The following FRMD4A variants were observed in gnomAD, a reference collection of about 807,000 sequenced individuals.
FRMD4A encodes FERM domain-containing protein 4A.
FRMD4A carries 29 observed loss-of-function variants against 129.1 expected under a neutral mutation model. The ratio of observed to expected loss-of-function variants is 0.22; its 90% CI spans 0.17 to 0.31. FRMD4A has a LOEUF of 0.31. FRMD4A is among the 10% of genes least tolerant of loss of function. The pLI is 1.00. For missense variants in FRMD4A, 1,272 were observed against 1,375.8 expected, an observed-to-expected ratio of 0.92 and a Z score of 1.19; for synonymous variants, 634 against 571.6, an observed-to-expected ratio of 1.11 and a Z score of -1.56.
chr10:14,243,054 CTCCATCCATTCATCCA>C (rs1844106038), intron 2 of FRMD4A, among the ~76,000 whole-genome samples: 1 of 54,448 alleles, frequency 1.8e-5, no homozygotes, highest in African/African-American at 4.6e-5. Context: ...CTGTCCATCC[CTCCATCCATTCATCCA>C]TCCATCCATA....
At chr10:14,147,803 G>T (rs1309551058) in intron 2 of FRMD4A, among the ~76,000 whole-genome samples, 1 of 152,124 alleles carries the variant, frequency 6.6e-6, no homozygotes, top group African/African-American at 2.4e-5. Flanking sequence ...CCACAGCCCA[G>T]GGGTTAGGGA....
At chr10:13,755,141 T>C (rs1443220963) in intron 8 of FRMD4A, among the ~76,000 whole-genome samples, 11 of 152,204 alleles carry the variant, frequency 7.2e-5, no homozygotes, top group Admixed American at 7.2e-4. Flanking sequence ...GCAATCGATA[T>C]AAACGTTTAT....
chr10:14,274,066 G>A (rs932622713), intron 2 of FRMD4A, among the ~76,000 whole-genome samples: 6 of 152,156 alleles, frequency 3.9e-5, no homozygotes, highest in African/African-American at 1.2e-4. Flanking sequence ...AATAAAAAGC[G>A]TGTTCGTGCA....
intron 2 of FRMD4A, among the ~76,000 whole-genome samples, chr10:14,328,692 C>G (rs1231225407): frequency 5.3e-5 from 8 of 151,326 alleles, no homozygotes; most frequent in African/African-American, 1.9e-4. Context: ...GAGCATATAA[C>G]CCAGGCTCCC....
intron 11 of FRMD4A, among the ~76,000 whole-genome samples, chr10:13,739,828 G>C (rs550383372): frequency 7.9e-5 from 12 of 152,210 alleles, no homozygotes; most frequent in Non-Finnish European, 1.6e-4. Context: ...GGCCAGGCGC[G>C]GTGGCTCACG....
At chr10:14,143,880 A>G (rs560879339) in intron 2 of FRMD4A, among the ~76,000 whole-genome samples, 6 of 152,276 alleles carry the variant, frequency 3.9e-5, no homozygotes, top group African/African-American at 1.4e-4. Context: ...AAGTGCTGAG[A>G]TTACAGGTAT....
chr10:13,853,138 C>A (rs761536744), intron 3 of FRMD4A, among the ~76,000 whole-genome samples: 4 of 152,254 alleles, frequency 2.6e-5, no homozygotes, highest in East Asian at 1.9e-4. Context: ...GGAAAGGAGA[C>A]TCACATCATG....
chr10:13,697,336 C>T (rs561966735), intron 14 of FRMD4A, among the ~76,000 whole-genome samples: 6 of 152,226 alleles, frequency 3.9e-5, no homozygotes, highest in East Asian at 3.9e-4. Flanking sequence ...TTAGTAGATA[C>T]GGGGTTTTGC....
intron 2 of FRMD4A, among the ~76,000 whole-genome samples, chr10:14,105,211 C>T (rs1004377199): frequency 1.3e-5 from 2 of 152,158 alleles, no homozygotes; most frequent in Admixed American, 6.5e-5. Flanking sequence ...GGCCTCCTGA[C>T]ACCCAATAAA....
intron 2 of FRMD4A, among the ~76,000 whole-genome samples, chr10:14,104,607 C>T (rs1037727354): frequency 9.9e-5 from 15 of 152,202 alleles, no homozygotes; most frequent in Non-Finnish European, 1.9e-4. Flanking sequence ...AACCCCAGCC[C>T]GACCTGAGTA....
intron 2 of FRMD4A, among the ~76,000 whole-genome samples, chr10:14,098,529 G>A (rs550629910): frequency 9.6e-4 from 146 of 151,954 alleles, no homozygotes; most frequent in Non-Finnish European, 1.6e-3. Flanking sequence ...TCAGCCTCCC[G>A]AGTAGCTGGG....
intron 2 of FRMD4A, among the ~76,000 whole-genome samples, chr10:14,195,140 T>C (rs1479120564): frequency 6.6e-6 from 1 of 152,178 alleles, no homozygotes; most frequent in Non-Finnish European, 1.5e-5. Context: ...CTCCCAAACA[T>C]CAAAAATAAT....
At chr10:13,679,625 C>G (rs1012398406) in intron 15 of FRMD4A, among the ~76,000 whole-genome samples, 2 of 151,106 alleles carry the variant, frequency 1.3e-5, no homozygotes, top group East Asian at 1.9e-4. Context: ...CTATTCCACT[C>G]CACGTTCCTC....
chr10:14,023,318 A>T (rs1383025601), intron 2 of FRMD4A, among the ~76,000 whole-genome samples: 1 of 152,022 alleles, frequency 6.6e-6, no homozygotes, highest in African/African-American at 2.4e-5. Flanking sequence ...ATTTGAAGAC[A>T]AATTTTAAAT....
intron 2 of FRMD4A, among the ~76,000 whole-genome samples, chr10:13,925,077 A>AAAAG (rs1346700056): frequency 6.6e-6 from 1 of 151,598 alleles, no homozygotes; most frequent in Non-Finnish European, 1.5e-5. Context: ...AAAAAAAAAA[A>AAAAG]AAAAAGAATG....
chr10:13,806,641 T>A (rs2093361765), intron 4 of FRMD4A, among the ~76,000 whole-genome samples: 1 of 152,122 alleles, frequency 6.6e-6, no homozygotes. Flanking sequence ...AACAGGGGTT[T>A]TCAAATTTGC....
chr10:14,038,241 T>G (rs1421603458), intron 2 of FRMD4A, among the ~76,000 whole-genome samples: 1 of 152,148 alleles, frequency 6.6e-6, no homozygotes, highest in Admixed American at 6.6e-5. Flanking sequence ...GAGAATGGCA[T>G]GAACCCGGGC....
At chr10:13,653,930 G>GCAAACATGTCAAGCTATCAAAGGGAGC (rs1564516681) in intron 23 of FRMD4A, 7 of 190,630 alleles carry the variant, frequency 3.7e-5, no homozygotes, top group African/African-American at 1.4e-4. Flanking sequence ...GATCTCTTTT[G>GCAAACATGTCAAGCTATCAAAGGGAGC]TGTGTTGAGA....
intron 2 of FRMD4A, among the ~76,000 whole-genome samples, chr10:13,979,258 G>A (rs372869624): frequency 2.0e-5 from 3 of 152,334 alleles, no homozygotes; most frequent in African/African-American, 7.2e-5. Context: ...CCTGGTGGGA[G>A]TGAAGTTGTA....
Sources: gnomAD v4.1 joint callset for allele counts (sites outside exome capture counted in the v4.1 genomes callset) on GRCh38, gnomAD v4.1.1 for gene constraint, MANE v1.5 for transcripts, NCBI Gene and HGNC (gene_info 2026-07-23, HGNC 2026-07-21) for gene names.